Variants in NT5M observed in about 807,000 individuals in gnomAD.
NT5M encodes 5',3'-nucleotidase, mitochondrial.
Under a neutral mutation model 22.2 loss-of-function variants are expected in NT5M, and 22 were observed. The ratio of observed to expected loss-of-function variants is 0.99; its 90% CI spans 0.71 to 1.41. NT5M has a LOEUF of 1.41. NT5M is among the 40% of genes most tolerant of loss of function. NT5M has a pLI of 0.00. For synonymous variants in NT5M, 167 were observed against 133.0 expected, an observed-to-expected ratio of 1.26 and a Z score of -1.76; for missense variants, 322 against 314.8, an observed-to-expected ratio of 1.02 and a Z score of -0.17.
At position 17,344,794 on chromosome 17, in the gene NT5M, T is replaced by C; in HGVS notation, c.430T>C (p.Tyr144His). The C allele has an allele frequency of 6.2e-7, 1 of 1,613,990 alleles. No homozygotes were observed. Among genetic ancestry groups the C allele is most frequent in the Non-Finnish European group, 8.5e-7 (1 of 1,179,888 alleles). Residue 144 changes from tyrosine (Y) to histidine (H), a missense_variant and splice_region_variant, in exon 4 of 5, where the codon TAT becomes CAT. Tyr to His is a moderately conservative substitution (Grantham distance 83). Transcript: ENST00000389022. ...KMFKYCPYEK[Y>H]AWVEKYFGPD... is the part of the protein sequence containing the mutation. The stretch of plus-strand genomic sequence containing the variant: ...CCTGCCCTTGCCTGTTTGCGTCCAG[T>C]ATGCCTGGGTGGAGAAGTACTTTGG...
At chr17:17,326,584 A>T (rs2049271693) in intron 3 of NT5M, among the ~76,000 whole-genome samples, 1 of 152,252 alleles carries the variant, frequency 6.6e-6, no homozygotes, top group South Asian at 2.1e-4. Context: ...TCCAGCAAAC[A>T]GCCCAAGACG....
intron 2 of NT5M, among the ~76,000 whole-genome samples, chr17:17,314,821 T>C (rs2048990650): frequency 6.6e-6 from 1 of 152,232 alleles, no homozygotes; most frequent in African/African-American, 2.4e-5. Flanking sequence ...AGCTAGATTG[T>C]TTTTCTCTTT....
In NT5M at chr17:17,303,754, G is replaced by A; in HGVS notation, c.204G>A (p.Ala68=). ...GCTTTCCCGACCAGCCCTTCATCGC[G>A]CTGGAGGACCGGCGCGGCTTCTGGG... ...RARFPDQPFI[A]LEDRRGFWVS... Residue 68 remains alanine (A), a synonymous_variant, in exon 1 of 5, where the codon GCG becomes GCA. Coordinates refer to ENST00000389022, the MANE Select transcript of NT5M (RefSeq NM_020201.4). The A allele has an allele frequency of 6.3e-7, 1 of 1,587,680 alleles. No individual in the cohort carries two copies. The highest frequency in any genetic ancestry group is 8.6e-7 in the Non-Finnish European group (1 of 1,168,828).
chr17:17,308,435 T>C (rs2048856999), intron 2 of NT5M, among the ~76,000 whole-genome samples: 1 of 151,356 alleles, frequency 6.6e-6, no homozygotes, highest in Non-Finnish European at 1.5e-5. Flanking sequence ...CTACTAAAAA[T>C]ACAAAAATTA....
intron 4 of NT5M, chr17:17,345,314 T>C (rs2049734559): frequency 1.0e-6 from 1 of 1,001,658 alleles, no homozygotes; most frequent in Non-Finnish European, 1.2e-6. Flanking sequence ...GCAGGGAAGG[T>C]GGGTTGGGAC....
At chr17:17,316,519 G>A (rs2049031143) in intron 2 of NT5M, among the ~76,000 whole-genome samples, 1 of 151,322 alleles carries the variant, frequency 6.6e-6, no homozygotes, top group Non-Finnish European at 1.5e-5. Flanking sequence ...GGGATTACAG[G>A]CGCCCGCCAC....
At chr17:17,342,773 G>C (rs1263650940) in intron 3 of NT5M, among the ~76,000 whole-genome samples, 1 of 152,214 alleles carries the variant, frequency 6.6e-6, no homozygotes, top group Non-Finnish European at 1.5e-5. Context: ...TGAGGCCTCT[G>C]TGTGAGGTTG....
At chr17:17,332,286 G>A (rs1363701455) in intron 3 of NT5M, among the ~76,000 whole-genome samples, 4 of 152,112 alleles carry the variant, frequency 2.6e-5, no homozygotes, top group African/African-American at 4.8e-5. Context: ...TGTGAGCCAC[G>A]CGGAGCAGGA....
rs181780458 is a variant in NT5M at position 17,317,886 on chromosome 17, C to T, written c.369-5299C>T. The stretch of plus-strand genomic sequence containing the variant: ...CTGAGGCAGGAGAATCGCTTGAACC[C>T]AGGAGGTGGAGGTTGCAGTGAGCTG... On this transcript the variant is annotated intron_variant, in intron 2 of 4. Transcript: ENST00000389022. 2.8e-5 allele frequency among the ~76,000 whole-genome samples: 4 copies of T among 142,686 alleles called. No homozygotes were observed. In the East Asian group the frequency reaches 8.8e-4, roughly 31 times the overall value. The allele number at this position is 142,686 out of a possible 152,430, so 93.6% of individuals were successfully genotyped here. A position where few individuals can be genotyped will look rare whatever the true frequency, so the allele number is the denominator to read the frequency against.
chr17:17,329,655 CGTT>C (rs1293154669), intron 3 of NT5M, among the ~76,000 whole-genome samples: 1 of 152,138 alleles, frequency 6.6e-6, no homozygotes, highest in Non-Finnish European at 1.5e-5. Context: ...CCTGATTCGA[CGTT>C]GATTTTTAGA....
Position 17,303,451 on chromosome 17 carries a change from G to A in NT5M, c.-100G>A. 1.0e-6 allele frequency: 1 copy of A among 1,000,466 alleles called. No homozygotes were observed. Among genetic ancestry groups the A allele is most frequent in the Non-Finnish European group, 1.2e-6 (1 of 840,794 alleles). The allele number at this position is 1,000,466 out of a possible 1,614,324, so 62.0% of individuals were successfully genotyped here. A position where few individuals can be genotyped will look rare whatever the true frequency, so the allele number is the denominator to read the frequency against. On this transcript the variant is annotated 5_prime_UTR_variant, in exon 1 of 5. Coordinates refer to ENST00000389022, the MANE Select transcript of NT5M (RefSeq NM_020201.4). ...CGTCCCGCGCTCCACGCGCGCCCCA[G>A]CGTTGGGGGCTTCTCCTCCGCGGCG... is the stretch of plus-strand genomic sequence containing the variant.
In NT5M at chr17:17,303,771, G is replaced by C. The variant is rs773995662; in HGVS notation, c.221G>C (p.Gly74Ala). The C allele has an allele frequency of 5.7e-6, 9 of 1,580,686 alleles. No individual in the cohort carries two copies. Among genetic ancestry groups the C allele is most frequent in the Non-Finnish European group, 6.9e-6 (8 of 1,165,166 alleles). The change falls in exon 1 of 5, where the codon GGC becomes GCC. Residue 74 changes from glycine to alanine, a missense_variant. Coordinates refer to ENST00000389022, the MANE Select transcript of NT5M (RefSeq NM_020201.4). ...TTCATCGCGCTGGAGGACCGGCGCGGCTTCTGGGTGTCGGAGCAGTACGGC... is the reference window on the plus strand; with the variant it reads ...TTCATCGCGCTGGAGGACCGGCGCGCCTTCTGGGTGTCGGAGCAGTACGGC... ...QPFIALEDRR[G>A]FWVSEQYGRL...
intron 1 of NT5M, among the ~76,000 whole-genome samples, chr17:17,305,402 C>G (rs1597736040): frequency 7.7e-6 from 1 of 129,544 alleles, no homozygotes; most frequent in East Asian, 2.8e-4. Flanking sequence ...CCGCCCCCCC[C>G]CCCCCGCCCC....
At chr17:17,320,293 GAGA>G (rs1159557921) in intron 2 of NT5M, among the ~76,000 whole-genome samples, 3 of 152,156 alleles carry the variant, frequency 2.0e-5, no homozygotes, top group African/African-American at 7.2e-5. Flanking sequence ...TTGGAGGGGT[GAGA>G]ACTGGAAGTT....
intron 3 of NT5M, among the ~76,000 whole-genome samples, chr17:17,339,481 T>C (rs1215561995): frequency 2.6e-5 from 4 of 152,206 alleles, no homozygotes; most frequent in Admixed American, 2.6e-4. Flanking sequence ...CTTGTCTGAT[T>C]GCTCTAGCGA....
chr17:17,314,571 G>A (rs1363034899), intron 2 of NT5M, among the ~76,000 whole-genome samples: 2 of 152,140 alleles, frequency 1.3e-5, no homozygotes, highest in African/African-American at 4.8e-5. Context: ...TTCAGATGAT[G>A]TTAGCCCCAC....
At chr17:17,331,814 T>C (rs1000717822) in intron 3 of NT5M, among the ~76,000 whole-genome samples, 3 of 151,234 alleles carry the variant, frequency 2.0e-5, no homozygotes, top group African/African-American at 7.4e-5. Context: ...GGAGTCTCGC[T>C]GTGTCACCTA....
rs2145299786 is a variant in NT5M, at chr17:17,303,580, G to A, written c.30G>A (p.Arg10=). Residue 10 remains arginine, a synonymous_variant, in exon 1 of 5, where the codon CGG becomes CGA. Transcript: ENST00000389022. ...TCCGGCTGGGCGGCTGGTGTGCGCG[G>A]CGGCTCTGCAGCGCGGCGGTTCCCG... MIRLGGWCA[R]RLCSAAVPAG... is the part of the protein sequence containing the mutation. The A allele has an allele frequency of 3.5e-6, 4 of 1,151,054 alleles. No individual in the cohort carries two copies. The African/African-American group carries it at 6.6e-5, about 19-fold the overall frequency. The allele number at this position is 1,151,054 out of a possible 1,614,324, so 71.3% of individuals were successfully genotyped here.
At chr17:17,339,766 G>C (rs2049599969) in intron 3 of NT5M, among the ~76,000 whole-genome samples, 1 of 152,114 alleles carries the variant, frequency 6.6e-6, no homozygotes, top group Admixed American at 6.6e-5. Context: ...CTGTTGATAT[G>C]ATATATCACA....
Sources: allele counts gnomAD v4.1 joint callset (sites outside exome capture counted in the v4.1 genomes callset), GRCh38; gene constraint gnomAD v4.1.1; transcripts MANE v1.5; gene names NCBI Gene and HGNC (gene_info 2026-07-23, HGNC 2026-07-21).